Variants in DIAPH1 observed in about 807,000 individuals in gnomAD.
DIAPH1 encodes protein diaphanous homolog 1.
Under a neutral mutation model 140.7 loss-of-function variants are expected in DIAPH1, and 46 were observed. That is an observed-to-expected ratio of 0.33 (90% CI 0.26 to 0.42). The LOEUF is 0.42. DIAPH1 is among the 10% of genes least tolerant of loss of function. DIAPH1 has a pLI of 1.00. For missense variants in DIAPH1, 1,310 were observed against 1,558.7 expected (o/e 0.84, Z 2.69); for synonymous variants, 565 against 551.6 (o/e 1.02, Z -0.34).
At chr5:141,586,210 T>C in intron 3 of DIAPH1, among the ~76,000 whole-genome samples, 1 of 152,208 alleles carries the variant, frequency 6.6e-6, no homozygotes, top group Non-Finnish European at 1.5e-5. Context: ...AGAGATTATC[T>C]TGACAGACCA....
intron 18 of DIAPH1, among the ~76,000 whole-genome samples, chr5:141,556,107 T>G (rs923406859): frequency 6.6e-6 from 1 of 152,078 alleles, no homozygotes; most frequent in African/African-American, 2.4e-5. Context: ...ATCTGATCAT[T>G]TGCATCTAAG....
chr5:141,569,945 T>G (rs943156046), intron 18 of DIAPH1, among the ~76,000 whole-genome samples: 1 of 152,174 alleles, frequency 6.6e-6, no homozygotes, highest in Non-Finnish European at 1.5e-5. Flanking sequence ...GACAAAAACC[T>G]AAACTCTAAA....
chr5:141,572,388 T>C (rs2099895319), intron 16 of DIAPH1, among the ~76,000 whole-genome samples: 1 of 152,170 alleles, frequency 6.6e-6, no homozygotes, highest in African/African-American at 2.4e-5. Context: ...AATTTGCTCA[T>C]TTTATGAGCA....
intron 1 of DIAPH1, among the ~76,000 whole-genome samples, chr5:141,604,031 A>G (rs7713563): frequency 0.15 from 23,108 of 152,096 alleles, 1,766 homozygotes; most frequent in South Asian, 0.2. Context: ...CCATCCATAC[A>G]AACTGCCAGT....
intron 2 of DIAPH1, among the ~76,000 whole-genome samples, 166 bp downstream of exon 2, chr5:141,588,058 T>C (rs1048458460): frequency 2.6e-5 from 4 of 152,160 alleles, no homozygotes; most frequent in Admixed American, 1.3e-4. Flanking sequence ...CGGAAATGCA[T>C]GCAATGGGCC....
Position 141,534,436 on chromosome 5 carries a change from A to AG in DIAPH1, c.2483-4dup. ...TCCACCTTCTTGATCCTTCTTGGCT[A>AG]GCAGGGAAAAGATTAGAAAAGCATG... On this transcript the variant is annotated splice_polypyrimidine_tract_variant and splice_region_variant and intron_variant, in intron 18 of 27. Transcript: ENST00000389054. The AG allele has an allele frequency of 6.2e-7, 1 of 1,612,324 alleles. No homozygotes were observed. Among genetic ancestry groups the AG allele is most frequent in the Non-Finnish European group, 8.5e-7 (1 of 1,179,002 alleles).
At chr5:141,549,966 G>C (rs2099891436) in intron 18 of DIAPH1, among the ~76,000 whole-genome samples, 1 of 152,068 alleles carries the variant, frequency 6.6e-6, no homozygotes, top group East Asian at 1.9e-4. Context: ...AAGAGTCCAA[G>C]GATATGCTGT....
chr5:141,617,370 C>G (rs2099902854), intron 1 of DIAPH1, among the ~76,000 whole-genome samples: 1 of 152,156 alleles, frequency 6.6e-6, no homozygotes, highest in Admixed American at 6.5e-5. Context: ...CTGGAAAGGG[C>G]AGTCCAGGAG....
At chr5:141,567,183 T>C (rs754854460) in intron 18 of DIAPH1, among the ~76,000 whole-genome samples, 23 of 151,992 alleles carry the variant, frequency 1.5e-4, no homozygotes, top group Non-Finnish European at 2.6e-4. Flanking sequence ...CCAAGATAAA[T>C]GGCATAATAT....
intron 18 of DIAPH1, among the ~76,000 whole-genome samples, chr5:141,541,797 A>G (rs1168929438): frequency 6.6e-6 from 1 of 152,116 alleles, no homozygotes; most frequent in Admixed American, 6.5e-5. Context: ...GAAAAGAGAA[A>G]GAAACACTTC....
intron 1 of DIAPH1, among the ~76,000 whole-genome samples, chr5:141,601,701 T>A (rs539883754): frequency 3.9e-5 from 6 of 152,230 alleles, no homozygotes; most frequent in Non-Finnish European, 7.3e-5. Context: ...CACATTTTAA[T>A]AAATAAATTT....
intron 1 of DIAPH1, among the ~76,000 whole-genome samples, chr5:141,589,693 G>A (rs1012774881): frequency 1.3e-5 from 2 of 152,072 alleles, no homozygotes; most frequent in East Asian, 1.9e-4. Flanking sequence ...AGCTTCTGGG[G>A]TGTTTATGAT....
intron 1 of DIAPH1, among the ~76,000 whole-genome samples, chr5:141,611,779 T>C (rs960999859): frequency 2.5e-4 from 38 of 152,210 alleles, no homozygotes; most frequent in Non-Finnish European, 3.5e-4. Flanking sequence ...AATTAAAGCA[T>C]ACTGCAGCTG....
At position 141,586,971 on chromosome 5, in the gene DIAPH1, T is replaced by C. The variant is rs954205062; in HGVS notation, c.300+71A>G. On this transcript the variant is annotated intron_variant, in intron 3 of 27. Coordinates refer to ENST00000389054, the MANE Select transcript of DIAPH1 (RefSeq NM_005219.5). ...GTAATAAAGGGCTAGTTGGGAATTA[T>C]GCACCAAAAAGAGCCCACCATGTCC... 76 of 1,524,980 alleles carry C rather than the reference T, an allele frequency of 5.0e-5. No individual in the cohort carries two copies. The highest frequency in any genetic ancestry group is 6.7e-5 in the Non-Finnish European group (74 of 1,099,936). 94.5% of individuals were successfully genotyped at this position (1,524,980 alleles called of 1,614,324 possible). A position where few individuals can be genotyped will look rare whatever the true frequency, so the allele number is the denominator to read the frequency against.
chr5:141,548,636 G>A (rs1596356590), intron 18 of DIAPH1, among the ~76,000 whole-genome samples: 1 of 152,012 alleles, frequency 6.6e-6, no homozygotes, highest in Non-Finnish European at 1.5e-5. Context: ...TTGAGACCCT[G>A]TCTCTACAAA....
At chr5:141,525,957 G>A (rs1420510529) in intron 26 of DIAPH1, 81 bp downstream of exon 26, 1 of 1,602,126 alleles carries the variant, frequency 6.2e-7, no homozygotes, top group East Asian at 2.2e-5. Context: ...GCTCAGACAT[G>A]AGACTCTGCC....
At chr5:141,615,174 G>A (rs950364282) in intron 1 of DIAPH1, among the ~76,000 whole-genome samples, 69 of 152,240 alleles carry the variant, frequency 4.5e-4, no homozygotes, top group African/African-American at 1.6e-3. Flanking sequence ...GGTGGCTCAC[G>A]CCTGTAATCC....
chr5:141,594,062 C>T (rs1305033685), intron 1 of DIAPH1, among the ~76,000 whole-genome samples: 1 of 152,182 alleles, frequency 6.6e-6, no homozygotes, highest in Non-Finnish European at 1.5e-5. Context: ...TCCCAAAGTG[C>T]TGGGATTTAT....
chr5:141,526,067 T>G lies in DIAPH1; in HGVS notation c.3545A>C (p.Lys1182Thr), dbSNP rs1159794136. 1.2e-6 allele frequency: 2 copies of G among 1,614,120 alleles called. No individual in the cohort carries two copies. The highest frequency in any genetic ancestry group is 2.2e-5 in the South Asian group (2 of 91,084). Residue 1182 changes from lysine to threonine, a missense_variant, in exon 26 of 28, where the codon AAG (lysine) becomes ACG (threonine). Lys to Thr is a moderately conservative substitution (Grantham distance 78, BLOSUM62 -1). Coordinates refer to ENST00000389054, the MANE Select transcript of DIAPH1 (RefSeq NM_005219.5). ...AEKERLEKQQKREQLIDMNAE... is the reference protein window; with the variant it reads ...AEKERLEKQQTREQLIDMNAE... ...ATTCATGTCTATGAGTTGCTCTCTC[T>G]TCTGCTGCTTCTCTAGCCGCTCCTT... is the stretch of plus-strand genomic sequence containing the variant.
Sources: gnomAD v4.1 joint callset for allele counts (sites outside exome capture counted in the v4.1 genomes callset) on GRCh38, gnomAD v4.1.1 for gene constraint, MANE v1.5 for transcripts, NCBI Gene and HGNC (gene_info 2026-07-23, HGNC 2026-07-21) for gene names.